DMD: variants seen among roughly 807,000 people sequenced by gnomAD.
The protein encoded by DMD is mutant dystrophin.
In DMD, 63 loss-of-function variants were observed where a neutral mutation model predicts 330.1. That is an observed-to-expected ratio of 0.19 (90% CI 0.16 to 0.24). DMD has a LOEUF of 0.24. Among genes scored for constraint, DMD ranks in the 10% least tolerant of loss-of-function variants. DMD has a pLI of 1.00. For missense variants in DMD, 3,344 were observed against 2,684.1 expected (o/e 1.25, Z -5.43); for synonymous variants, 1,223 against 959.8 (o/e 1.27, Z -5.07).
At chrX:32,592,062 C>T (rs764472763) in intron 13 of DMD, among the ~76,000 whole-genome samples, 10 of 111,659 alleles carry the variant, frequency 9.0e-5, no homozygotes, top group South Asian at 7.6e-4. Flanking sequence ...GAGGATGGTT[C>T]GGTGTGGGCC....
chrX:32,511,524 G>GGGAAAAAA (rs766801853), intron 18 of DMD, among the ~76,000 whole-genome samples: 61 of 49,666 alleles, frequency 1.2e-3, no homozygotes, highest in East Asian at 4.8e-3. Flanking sequence ...TCCGTCTCGG[G>GGGAAAAAA]AAAAAAAAAA....
chrX:32,964,638 G>T lies in DMD; in HGVS notation c.93+55501C>A, dbSNP rs764829391. On this transcript the variant is annotated intron_variant, in intron 2 of 78. Transcript: ENST00000357033. The stretch of plus-strand genomic sequence containing the variant: ...CAGGAGAATTGCTTGAACCTGGGAG[G>T]CAGAGGTTGCAGTGAGCCGAGATTA... 5.4e-5 allele frequency among the ~76,000 whole-genome samples: 6 copies of T among 110,979 alleles called. No homozygotes were observed. The East Asian group carries it at 1.7e-3, about 32-fold the overall frequency.
intron 43 of DMD, among the ~76,000 whole-genome samples, chrX:32,230,123 T>A (rs953337198): frequency 1.8e-5 from 2 of 112,023 alleles, no homozygotes; most frequent in Non-Finnish European, 3.8e-5. Context: ...CAAAAAATAA[T>A]GTTGCACTTA....
chrX:32,422,168 A>G (rs1042578199), intron 29 of DMD, among the ~76,000 whole-genome samples: 19 of 111,521 alleles, frequency 1.7e-4, no homozygotes, highest in African/African-American at 5.9e-4. Flanking sequence ...ACTGGTCCAC[A>G]GTGGGAATGA....
intron 67 of DMD, among the ~76,000 whole-genome samples, chrX:31,195,785 AAAG>A (rs1569450100): frequency 1.9e-5 from 2 of 107,447 alleles, no homozygotes; most frequent in African/African-American, 6.8e-5. Flanking sequence ...GAAAAGAAAG[AAAG>A]AAAGGAAAGG....
intron 37 of DMD, among the ~76,000 whole-genome samples, chrX:32,361,506 G>A (rs1044782016): frequency 2.7e-5 from 3 of 111,772 alleles, no homozygotes; most frequent in African/African-American, 9.7e-5. Flanking sequence ...AAAATAACTT[G>A]CAATGAATTA....
At chrX:32,369,837 T>G (rs773051721) in intron 34 of DMD, among the ~76,000 whole-genome samples, 7 of 111,464 alleles carry the variant, frequency 6.3e-5, no homozygotes, top group Non-Finnish European at 1.3e-4. Flanking sequence ...TTTATTTACC[T>G]ACGTACCTTA....
intron 27 of DMD, among the ~76,000 whole-genome samples, chrX:32,445,082 A>G (rs1013807677): frequency 8.9e-6 from 1 of 111,808 alleles, no homozygotes; most frequent in Non-Finnish European, 1.9e-5. Context: ...ATAATATTCA[A>G]GAGCAGTTTG....
chrX:32,883,610 G>T (rs774910128), intron 2 of DMD, among the ~76,000 whole-genome samples: 1 of 109,574 alleles, frequency 9.1e-6, no homozygotes, highest in South Asian at 4.0e-4. Context: ...GGATCACGAG[G>T]TCAGGAGTTC....
rs144198980 is a variant in DMD at position 32,907,580 on chromosome X, A to C, written c.94-57760T>G. Among the ~76,000 whole-genome samples, 932 of 111,717 alleles carry C rather than the reference A, an allele frequency of 8.3e-3. 8 individuals carry two copies. Among genetic ancestry groups the C allele is most frequent in the African/African-American group, 0.029 (878 of 30,803 alleles). On this transcript the variant is annotated intron_variant, in intron 2 of 78. Coordinates refer to ENST00000357033, the MANE Select transcript of DMD (RefSeq NM_004006.3). ...CCTTCAAAATCATCAGAATTCTGGT[A>C]AAGCTTTGTATTTCATAATTTGGAC...
At chrX:33,282,282 G>A (rs1180290743) in intron 1 of DMD, among the ~76,000 whole-genome samples, 2 of 111,964 alleles carry the variant, frequency 1.8e-5, no homozygotes, top group Admixed American at 9.4e-5. Flanking sequence ...GTATGAAGAG[G>A]CTTCAGTAGT....
intron 44 of DMD, among the ~76,000 whole-genome samples, chrX:32,091,698 T>C (rs929845267): frequency 1.2e-4 from 13 of 111,844 alleles, no homozygotes; most frequent in Non-Finnish European, 1.1e-4. Flanking sequence ...AAGACATTAA[T>C]TAAAAGTCAT....
rs909117639 is a variant in DMD, at chrX:31,694,182, T to C, written c.7661-14596A>G. Among the ~76,000 whole-genome samples the C allele has an allele frequency of 4.5e-5, 5 of 110,944 alleles. No individual in the cohort carries two copies. The Admixed American group carries it at 4.8e-4, about 11-fold the overall frequency. On this transcript the variant is annotated intron_variant, in intron 52 of 78. Coordinates refer to ENST00000357033, the MANE Select transcript of DMD (RefSeq NM_004006.3). ...AGGACAGTCTCTTCAATAAATGGTA[T>C]TGGGAAAACTGAATGTTCACATACA...
intron 7 of DMD, among the ~76,000 whole-genome samples, chrX:32,751,782 G>A (rs781226232): frequency 8.9e-6 from 1 of 112,433 alleles, no homozygotes; most frequent in African/African-American, 3.2e-5. Context: ...GCTAGGCCCA[G>A]GGTCCCTCTG....
intron 44 of DMD, among the ~76,000 whole-genome samples, chrX:32,127,935 A>G (rs1022018039): frequency 8.9e-6 from 1 of 112,255 alleles, no homozygotes; most frequent in Non-Finnish European, 1.9e-5. Context: ...ATGTATTTGC[A>G]ATTGCATTGC....
chrX:32,607,155 G>C, intron 12 of DMD, among the ~76,000 whole-genome samples: 1 of 110,102 alleles, frequency 9.1e-6, no homozygotes, highest in African/African-American at 3.3e-5. Context: ...CTTCTTCTAA[G>C]ACATGCTTAT....
At chrX:33,170,623 G>A (rs992517860) in intron 1 of DMD, among the ~76,000 whole-genome samples, 4 of 111,288 alleles carry the variant, frequency 3.6e-5, no homozygotes, top group South Asian at 7.5e-4. Flanking sequence ...AAGATGCAAC[G>A]CATATAAAAT....
At chrX:31,965,434 A>G (rs1485634132) in intron 45 of DMD, among the ~76,000 whole-genome samples, 3 of 111,930 alleles carry the variant, frequency 2.7e-5, no homozygotes, top group Non-Finnish European at 5.7e-5. Flanking sequence ...ATATTTTGAT[A>G]TATTTATTAT....
At chrX:31,853,536 T>C (rs1163102410) in intron 48 of DMD, among the ~76,000 whole-genome samples, 1 of 111,875 alleles carries the variant, frequency 8.9e-6, no homozygotes, top group African/African-American at 3.2e-5. Context: ...GGTTTCAGTA[T>C]CTTTAAATAT....
Sources: gnomAD v4.1 joint callset for allele counts (sites outside exome capture counted in the v4.1 genomes callset) on GRCh38, gnomAD v4.1.1 for gene constraint, MANE v1.5 for transcripts, NCBI Gene and HGNC (gene_info 2026-07-23, HGNC 2026-07-21) for gene names.